The following ZNF469 variants were observed in gnomAD, a reference collection of about 807,000 sequenced individuals.
ZNF469 encodes the protein zinc finger protein 469.
A neutral mutation model predicts 1.0 loss-of-function variants in ZNF469; 1 was observed. The ratio of observed to expected loss-of-function variants is 1.00; its 90% CI spans 0.35 to 4.73. The LOEUF is 4.73. Among genes scored for constraint, ZNF469 ranks in the 30% most tolerant of loss-of-function variants. ZNF469 has a pLI of 0.16. For synonymous variants in ZNF469, 2,703 were observed against 2,363.4 expected, an observed-to-expected ratio of 1.14 and a Z score of -4.17; for missense variants, 6,100 against 5,356.3, an observed-to-expected ratio of 1.14 and a Z score of -4.33.
the ZNF469 span, among the ~76,000 whole-genome samples, chr16:88,202,022 G>A: frequency 1.3e-5 from 2 of 152,076 alleles, no homozygotes; most frequent in Admixed American, 6.5e-5. Context: ...CCACTAACTC[G>A]GAGGTTCTAG....
chr16:88,282,847 T>C, the ZNF469 span, among the ~76,000 whole-genome samples: 1 of 152,284 alleles, frequency 6.6e-6, no homozygotes, highest in Non-Finnish European at 1.5e-5. Flanking sequence ...AAAGCAGCTG[T>C]CTGGGCTTGT....
chr16:88,287,570 C>T, the ZNF469 span, among the ~76,000 whole-genome samples: 22,355 of 152,222 alleles, frequency 0.15, 4,088 homozygotes, highest in African/African-American at 0.43. Context: ...CACTTTTTAT[C>T]TGGTGGATCA....
Position 88,438,785 on chromosome 16 carries a change from G to T in ZNF469, c.11315G>T (p.Ser3772Ile), listed in dbSNP as rs1290091606. The stretch of plus-strand genomic sequence containing the variant: ...ACCCCAGCCAAGCCCAGCTTCCCCA[G>T]CCGGAGCCCTGCACCAGAGAGGCTC... ...ATTPAKPSFP[S>I]RSPAPERLPA... is the part of the protein sequence containing the mutation. The change falls in exon 3 of 3, where the codon AGC (serine) becomes ATC (isoleucine). Residue 3772 changes from serine to isoleucine, a missense_variant. Physicochemically the swap from Ser to Ile is moderately radical, Grantham distance 142. Transcript: ENST00000565624. 1 of 1,550,086 alleles carries T rather than the reference G, an allele frequency of 6.5e-7. No individual in the cohort carries two copies. The highest frequency in any genetic ancestry group is 1.4e-5 in the African/African-American group (1 of 73,036).
the ZNF469 span, among the ~76,000 whole-genome samples, chr16:88,163,970 T>C: frequency 6.7e-6 from 1 of 148,414 alleles, no homozygotes; most frequent in African/African-American, 2.5e-5. Context: ...GCGGGGTAAG[T>C]GGATGAATGA....
upstream of ZNF469, among the ~76,000 whole-genome samples, chr16:88,380,989 C>T (rs1486136424): frequency 7.3e-6 from 1 of 137,452 alleles, no homozygotes; most frequent in African/African-American, 3.0e-5. Context: ...TATGCACTCA[C>T]ACAGACATGC....
Position 88,434,971 on chromosome 16 carries a change from GC to G in ZNF469, c.7506del (p.Ala2503ArgfsTer14), listed in dbSNP as rs1906466598. 1 of 1,549,960 alleles carries G rather than the reference GC, an allele frequency of 6.5e-7. No individual in the cohort carries two copies. Among genetic ancestry groups the G allele is most frequent in the Non-Finnish European group, 8.7e-7 (1 of 1,146,876 alleles). On this transcript the variant is annotated frameshift_variant, in exon 3 of 3. Transcript: ENST00000565624. LOFTEE classifies it low-confidence loss of function (END_TRUNC). ...CAGGAAGCACCGGCCACACCCGGGA[GC>G]CCCCGCGGAGCCGAGCCCAGCGGCC... ...KARKHRPHPG[A>X]PAEPSPAALP...
chr16:88,409,017 G>A (rs1032891844), intron 1 of ZNF469, among the ~76,000 whole-genome samples: 60 of 152,346 alleles, frequency 3.9e-4, no homozygotes, highest in African/African-American at 1.4e-3. Flanking sequence ...CCCAGCAGGG[G>A]GGCCCTCCCT....
At chr16:88,198,768 C>T in the ZNF469 span, among the ~76,000 whole-genome samples, 1 of 152,196 alleles carries the variant, frequency 6.6e-6, no homozygotes, top group African/African-American at 2.4e-5. Flanking sequence ...TTGGACAGAG[C>T]TCACAACCTC....
chr16:88,254,486 G>A, the ZNF469 span, among the ~76,000 whole-genome samples: 5 of 152,204 alleles, frequency 3.3e-5, no homozygotes, highest in South Asian at 2.1e-4. Context: ...AGCCGGGCAT[G>A]GTGGATCACG....
the ZNF469 span, among the ~76,000 whole-genome samples, chr16:88,244,389 ATGGG>A: frequency 4.6e-5 from 5 of 109,706 alleles, no homozygotes; most frequent in South Asian, 1.1e-3. Flanking sequence ...GGGTGAATGC[ATGGG>A]TGGATGGATG....
the ZNF469 span, among the ~76,000 whole-genome samples, chr16:88,224,941 CG>C: frequency 6.6e-6 from 1 of 152,220 alleles, no homozygotes; most frequent in Admixed American, 6.5e-5. Context: ...GCTGGGCTCA[CG>C]TGGCTCAGCC....
chr16:88,178,577 T>C, the ZNF469 span: 1 of 152,124 alleles, frequency 6.6e-6, no homozygotes, highest in African/African-American at 2.4e-5. Context: ...GGAGATGACT[T>C]TTTCTCAGCA....
At chr16:88,110,235 T>A in the ZNF469 span, among the ~76,000 whole-genome samples, 3 of 152,156 alleles carry the variant, frequency 2.0e-5, no homozygotes, top group Non-Finnish European at 2.9e-5. Flanking sequence ...GAGGGTGAGT[T>A]CAGACCCCCG....
At chr16:88,332,948 C>T in the ZNF469 span, among the ~76,000 whole-genome samples, 19 of 152,224 alleles carry the variant, frequency 1.2e-4, no homozygotes. Flanking sequence ...CCTGTCAGAG[C>T]CACCGAGCTG....
the ZNF469 span, among the ~76,000 whole-genome samples, chr16:88,354,501 G>T: frequency 6.6e-6 from 1 of 152,132 alleles, no homozygotes; most frequent in Non-Finnish European, 1.5e-5. Flanking sequence ...CTGTGACCTG[G>T]GGTGAGCCAC....
rs754305342 is a variant in ZNF469 at position 88,428,659 on chromosome 16, C to A, written c.1189C>A (p.Pro397Thr). 6.5e-7 allele frequency: 1 copy of A among 1,549,910 alleles called. No individual in the cohort carries two copies. The stretch of plus-strand genomic sequence containing the variant: ...GGATGGGCTGGGGAGCACGAGAGGG[C>A]CCCCTAGCTCCCTACCCCAGAGGCA... Reference protein sequence around the residue: ...AQDGLGSTRGPPSSLPQRHFP... With the variant: ...AQDGLGSTRGTPSSLPQRHFP... Residue 397 changes from proline to threonine, a missense_variant, in exon 3 of 3, where the codon CCC (proline) becomes ACC (threonine). Physicochemically the swap from Pro to Thr is conservative, Grantham distance 38. Transcript: ENST00000565624.
At chr16:88,402,978 G>A (rs2142276300) in intron 1 of ZNF469, among the ~76,000 whole-genome samples, 1 of 152,376 alleles carries the variant, frequency 6.6e-6, no homozygotes, top group African/African-American at 2.4e-5. Flanking sequence ...GGCCCGGGAA[G>A]ATGAAGCAGC....
chr16:88,263,210 G>C, the ZNF469 span, among the ~76,000 whole-genome samples: 2 of 152,182 alleles, frequency 1.3e-5, no homozygotes, highest in South Asian at 4.1e-4. Flanking sequence ...GCGTCTCCAC[G>C]GCGTCCAGCG....
At chr16:88,304,560 G>A in the ZNF469 span, among the ~76,000 whole-genome samples, 3 of 152,106 alleles carry the variant, frequency 2.0e-5, no homozygotes, top group Non-Finnish European at 2.9e-5. Context: ...ATATCCACCC[G>A]ACTCAGCTCA....
Sources: gnomAD v4.1 joint callset for allele counts (sites outside exome capture counted in the v4.1 genomes callset) on GRCh38, gnomAD v4.1.1 for gene constraint, MANE v1.5 for transcripts, NCBI Gene and HGNC (gene_info 2026-07-23, HGNC 2026-07-21) for gene names.